The following EGFR variants were observed in gnomAD, a reference collection of about 807,000 sequenced individuals.
The protein encoded by EGFR is epidermal growth factor receptor.
A neutral mutation model predicts 143.0 loss-of-function variants in EGFR; 58 were observed. That is an observed-to-expected ratio of 0.41 (90% CI 0.33 to 0.50). EGFR has a LOEUF of 0.50. EGFR is among the 20% of genes least tolerant of loss of function. EGFR has a pLI of 0.39. For missense variants in EGFR, 1,307 were observed against 1,579.0 expected, an observed-to-expected ratio of 0.83 and a Z score of 2.92; for synonymous variants, 613 against 594.4, an observed-to-expected ratio of 1.03 and a Z score of -0.45.
At chr7:55,179,761 C>T (rs1169196384) in intron 19 of EGFR, 2 of 152,238 alleles carry the variant, frequency 1.3e-5, no homozygotes, top group African/African-American at 4.8e-5. Flanking sequence ...TGCATCGGTA[C>T]TGAACATATA....
intron 1 of EGFR, among the ~76,000 whole-genome samples, chr7:55,074,153 C>A (rs893846593): frequency 6.6e-6 from 1 of 152,208 alleles, no homozygotes; most frequent in Admixed American, 6.5e-5. Context: ...CTAAGGTACA[C>A]GCTATTAACC....
chr7:55,137,706 G>A (rs1794227808), intron 1 of EGFR, among the ~76,000 whole-genome samples: 1 of 152,196 alleles, frequency 6.6e-6, no homozygotes, highest in East Asian at 1.9e-4. Flanking sequence ...AAACTACTGT[G>A]CTGTGACATA....
chr7:55,171,606 C>G (rs1300376112), intron 16 of EGFR, among the ~76,000 whole-genome samples: 1 of 152,166 alleles, frequency 6.6e-6, no homozygotes, highest in Non-Finnish European at 1.5e-5. Context: ...CCTTTCTGTT[C>G]GATGACAACC....
At chr7:55,167,742 G>C (rs1786138464) in intron 15 of EGFR, among the ~76,000 whole-genome samples, 1 of 152,184 alleles carries the variant, frequency 6.6e-6, no homozygotes, top group African/African-American at 2.4e-5. Flanking sequence ...GGCAGTGACG[G>C]TGATTGAGAC....
chr7:55,175,492 T>G (rs1046375264), intron 19 of EGFR, among the ~76,000 whole-genome samples: 1 of 152,172 alleles, frequency 6.6e-6, no homozygotes, highest in East Asian at 1.9e-4. Flanking sequence ...CCCCAGCCAG[T>G]GGTGGGAAGA....
At chr7:55,151,434 T>A in intron 5 of EGFR, 72 bp downstream of exon 5, 1 of 1,523,080 alleles carries the variant, frequency 6.6e-7, no homozygotes, top group Admixed American at 1.7e-5. Context: ...GGTGATTGGA[T>A]TTGTTTTCCC....
intron 1 of EGFR, among the ~76,000 whole-genome samples, chr7:55,041,419 A>AT (rs1466012204): frequency 6.6e-6 from 1 of 152,164 alleles, no homozygotes; most frequent in Non-Finnish European, 1.5e-5. Context: ...GCAAAAAAAA[A>AT]AGAAGTAAGA....
In EGFR at chr7:55,191,859, T is replaced by C. The variant is rs1787412092; in HGVS notation, c.2610T>C (p.His870=). ...TGGGTGCGGAAGAGAAAGAATACCA[T>C]GCAGAAGGAGGCAAAGTAAGGAGGT... The part of the protein sequence containing the change: ...KLLGAEEKEY[H]AEGGKVPIKW... Residue 870 remains histidine (H), a synonymous_variant, in exon 21 of 28, where the codon CAT becomes CAC. Transcript: ENST00000275493. 1 of 1,613,860 alleles carries C rather than the reference T, an allele frequency of 6.2e-7. No homozygotes were observed.
At chr7:55,122,682 C>A (rs1793280467) in intron 1 of EGFR, among the ~76,000 whole-genome samples, 2 of 152,240 alleles carry the variant, frequency 1.3e-5, no homozygotes, top group African/African-American at 4.8e-5. Context: ...TACCTCCAAG[C>A]CATCCATCAC....
chr7:55,189,848 G>A (rs1410585751), intron 20 of EGFR, among the ~76,000 whole-genome samples: 2 of 152,208 alleles, frequency 1.3e-5, no homozygotes, highest in Non-Finnish European at 2.9e-5. Context: ...GAGATAGCCT[G>A]GGAGTTCACA....
At chr7:55,065,735 G>T (rs1583951900) in intron 1 of EGFR, among the ~76,000 whole-genome samples, 1 of 151,964 alleles carries the variant, frequency 6.6e-6, no homozygotes, top group East Asian at 1.9e-4. Context: ...GAGAAAAGTG[G>T]CCATTTTACT....
intron 7 of EGFR, 62 bp from the exon 8 acceptor site, chr7:55,155,768 T>C (rs2128937186): frequency 1.5e-6 from 2 of 1,351,578 alleles, no homozygotes; most frequent in East Asian, 2.3e-5. Flanking sequence ...CTGGACCGCC[T>C]GTGTGAGGCC....
chr7:55,189,098 A>ATG lies in EGFR; in HGVS notation c.2470-2601_2470-2600dup, dbSNP rs10540696. 7.4e-3 allele frequency among the ~76,000 whole-genome samples: 1,119 copies of ATG among 150,556 alleles called. 12 individuals carry two copies. Among genetic ancestry groups the ATG allele is most frequent in the African/African-American group, 0.026 (1,055 of 40,998 alleles). ...ACGCTGTCTCATGCTCTCACACATA[A>ATG]TGTGTGTGTGTGTGTGTGTGTATAT... is the stretch of plus-strand genomic sequence containing the variant. On this transcript the variant is annotated intron_variant, in intron 20 of 27. Coordinates refer to ENST00000275493, the MANE Select transcript of EGFR (RefSeq NM_005228.5).
chr7:55,103,902 G>A (rs902085111), intron 1 of EGFR, among the ~76,000 whole-genome samples: 2 of 152,146 alleles, frequency 1.3e-5, no homozygotes, highest in African/African-American at 2.4e-5. Flanking sequence ...TAATTCACAA[G>A]ACTGAAACTG....
At chr7:55,106,770 C>T (rs1792156524) in intron 1 of EGFR, among the ~76,000 whole-genome samples, 1 of 152,132 alleles carries the variant, frequency 6.6e-6, no homozygotes, top group Non-Finnish European at 1.5e-5. Flanking sequence ...GATGGTTTAT[C>T]ATTTATCCTC....
intron 1 of EGFR, among the ~76,000 whole-genome samples, chr7:55,030,943 G>T (rs527928848): frequency 1.3e-5 from 2 of 152,050 alleles, no homozygotes; most frequent in East Asian, 3.9e-4. Flanking sequence ...TCTCAGTGAC[G>T]GTGATGTGCC....
At chr7:55,120,500 A>T (rs1473408449) in intron 1 of EGFR, among the ~76,000 whole-genome samples, 1 of 152,258 alleles carries the variant, frequency 6.6e-6, no homozygotes, top group East Asian at 1.9e-4. Context: ...CATGGAAATG[A>T]ACCATCTGCA....
At chr7:55,170,607 C>T (rs934244175) in intron 15 of EGFR, 10 of 1,606,176 alleles carry the variant, frequency 6.2e-6, no homozygotes, top group South Asian at 3.3e-5. Context: ...GCACGTGGGC[C>T]GCCAGGTTCC....
At chr7:55,135,629 A>G (rs1165179600) in intron 1 of EGFR, among the ~76,000 whole-genome samples, 1 of 152,178 alleles carries the variant, frequency 6.6e-6, no homozygotes, top group Admixed American at 6.5e-5. Context: ...CACAATGAAA[A>G]TTTAAATAAG....
Sources: allele counts gnomAD v4.1 joint callset (sites outside exome capture counted in the v4.1 genomes callset), GRCh38; gene constraint gnomAD v4.1.1; transcripts MANE v1.5; gene names NCBI Gene and HGNC (gene_info 2026-07-23, HGNC 2026-07-21).